The following SLC13A1 variants were observed in gnomAD, a reference collection of about 807,000 sequenced individuals.
SLC13A1 encodes the protein Na(+)/sulfate cotransporter.
Under a neutral mutation model 70.0 loss-of-function variants are expected in SLC13A1, and 65 were observed. The ratio of observed to expected loss-of-function variants is 0.93; its 90% CI spans 0.76 to 1.14. The LOEUF is 1.14. SLC13A1 is among the 50% of genes most tolerant of loss of function. SLC13A1 has a pLI of 0.00. For missense variants in SLC13A1, 726 were observed against 717.8 expected (o/e 1.01, Z -0.13); for synonymous variants, 275 against 250.5 (o/e 1.10, Z -0.92).
Position 123,128,945 on chromosome 7 carries a change from AC to A in SLC13A1, c.1032del (p.Arg344SerfsTer6). On this transcript the variant is annotated frameshift_variant and splice_region_variant, in exon 10 of 15. Coordinates refer to ENST00000194130, the MANE Select transcript of SLC13A1 (RefSeq NM_022444.4). LOFTEE classifies it high-confidence loss of function. ...AGGACCAAGGTCACAATTTCTTGAT[AC>A]CTGTGGAAAAATTCCAATGGCATCA... is the stretch of plus-strand genomic sequence containing the variant. ...KQEYQKLGPI[R>X]YQEIVTLVLF... The A allele has an allele frequency of 6.2e-7, 1 of 1,606,142 alleles. No individual in the cohort carries two copies. Among genetic ancestry groups the A allele is most frequent in the East Asian group, 2.2e-5 (1 of 44,690 alleles).
intron 7 of SLC13A1, 113 bp from the exon 8 acceptor site, chr7:123,134,642 A>G: frequency 1.0e-6 from 1 of 1,004,264 alleles, no homozygotes; most frequent in Non-Finnish European, 1.5e-6. Flanking sequence ...CCAAGAAGGA[A>G]GTCCTGGAAT....
At chr7:123,136,176 A>G (rs1461672579) in intron 7 of SLC13A1, among the ~76,000 whole-genome samples, 2 of 152,218 alleles carry the variant, frequency 1.3e-5, no homozygotes, top group Non-Finnish European at 2.9e-5. Context: ...TGAAATCAGT[A>G]TGCAGAGCTC....
chr7:123,159,659 C>G (rs192447773), intron 6 of SLC13A1, among the ~76,000 whole-genome samples: 8 of 152,046 alleles, frequency 5.3e-5, no homozygotes, highest in African/African-American at 1.9e-4. Context: ...TAGAATAGAC[C>G]ACCCATACAA....
intron 1 of SLC13A1, among the ~76,000 whole-genome samples, chr7:123,186,135 A>G (rs1795789539): frequency 6.6e-6 from 1 of 152,062 alleles, no homozygotes; most frequent in South Asian, 2.1e-4. Flanking sequence ...CTATTAAAGT[A>G]TATAGGGTTA....
intron 8 of SLC13A1, among the ~76,000 whole-genome samples, chr7:123,129,736 A>G (rs1432930143): frequency 6.6e-6 from 1 of 152,000 alleles, no homozygotes; most frequent in Non-Finnish European, 1.5e-5. Context: ...CATATTTTCC[A>G]TGACATCCTT....
rs1563320581 is a variant in SLC13A1 at position 123,128,835 on chromosome 7, C to T, written c.1133+10G>A. 1.3e-6 allele frequency: 2 copies of T among 1,590,930 alleles called. No homozygotes were observed. The highest frequency in any genetic ancestry group is 1.7e-6 in the Non-Finnish European group (2 of 1,159,862). On this transcript the variant is annotated intron_variant, in intron 10 of 14. Transcript: ENST00000194130. ...AGGAAGGGCTGACAAACATAACGTG[C>T]AAAGCTTACTCTGAAAAAAGTGCAG...
intron 1 of SLC13A1, among the ~76,000 whole-genome samples, chr7:123,198,763 C>T (rs1008103786): frequency 7.2e-5 from 11 of 152,058 alleles, no homozygotes; most frequent in African/African-American, 2.4e-4. Flanking sequence ...GGTGTAACCT[C>T]GATTAGTACT....
intron 7 of SLC13A1, 138 bp from the exon 8 acceptor site, chr7:123,134,667 A>G: frequency 1.5e-6 from 1 of 681,752 alleles, no homozygotes; most frequent in Non-Finnish European, 2.3e-6. Context: ...TCATCATTAA[A>G]TAGAGTACTT....
intron 12 of SLC13A1, 29 bp from the exon 13 acceptor site, chr7:123,119,271 C>A: frequency 6.9e-7 from 1 of 1,457,208 alleles, no homozygotes; most frequent in Non-Finnish European, 9.4e-7. Context: ...ATATTTGTTA[C>A]TCATGAATAA....
chr7:123,195,913 A>T (rs891308346), intron 1 of SLC13A1, among the ~76,000 whole-genome samples: 34 of 152,092 alleles, frequency 2.2e-4, no homozygotes, highest in Admixed American at 1.8e-3. Flanking sequence ...GCACTCTACA[A>T]ATATAATATA....
At chr7:123,120,581 A>G (rs1793342465) in intron 12 of SLC13A1, among the ~76,000 whole-genome samples, 1 of 152,062 alleles carries the variant, frequency 6.6e-6, no homozygotes, top group Non-Finnish European at 1.5e-5. Context: ...TATTGCATGT[A>G]TGAATCTTTA....
intron 7 of SLC13A1, 87 bp from the exon 8 acceptor site, chr7:123,134,616 T>C: frequency 7.9e-7 from 1 of 1,268,886 alleles, no homozygotes. Flanking sequence ...AGTCCACCTC[T>C]TTCCTGTGTT....
intron 11 of SLC13A1, among the ~76,000 whole-genome samples, chr7:123,123,507 T>A (rs948200950): frequency 6.6e-6 from 1 of 152,292 alleles, no homozygotes; most frequent in Non-Finnish European, 1.5e-5. Context: ...CTTATAATGG[T>A]ACTCATTCAT....
chr7:123,115,448 G>A lies in SLC13A1; in HGVS notation c.*70C>T, dbSNP rs1452597018. 1 of 1,491,696 alleles carries A rather than the reference G, an allele frequency of 6.7e-7. No homozygotes were observed. Among genetic ancestry groups the A allele is most frequent in the Admixed American group, 1.8e-5 (1 of 56,674 alleles). The allele number at this position is 1,491,696 out of a possible 1,614,324, so 92.4% of individuals were successfully genotyped here. ...AAATGTGTGTCATTAGTTATTTAGA[G>A]CCACATTTTACAGTCAATCATTAAT... On this transcript the variant is annotated 3_prime_UTR_variant, in exon 15 of 15. Transcript: ENST00000194130.
intron 6 of SLC13A1, among the ~76,000 whole-genome samples, chr7:123,163,640 A>AT (rs1038537886): frequency 5.3e-5 from 8 of 151,992 alleles, no homozygotes; most frequent in African/African-American, 1.9e-4. Context: ...GTTACAAAAC[A>AT]TTTTTTTGTC....
chr7:123,117,272 A>G (rs537332959), intron 14 of SLC13A1, among the ~76,000 whole-genome samples, 199 bp downstream of exon 14: 1 of 152,238 alleles, frequency 6.6e-6, no homozygotes, highest in Non-Finnish European at 1.5e-5. Flanking sequence ...TGTGACCGTA[A>G]GTTTTAATGG....
At chr7:123,195,424 T>A (rs1421211625) in intron 1 of SLC13A1, among the ~76,000 whole-genome samples, 1 of 151,942 alleles carries the variant, frequency 6.6e-6, no homozygotes, top group African/African-American at 2.4e-5. Flanking sequence ...TTTCTTGGAA[T>A]TTCTCTCCTC....
intron 1 of SLC13A1, among the ~76,000 whole-genome samples, chr7:123,188,891 G>A (rs907264243): frequency 3.3e-5 from 5 of 151,572 alleles, no homozygotes; most frequent in Non-Finnish European, 7.4e-5. Context: ...CGAGGCGGGC[G>A]GATCACGAGG....
intron 8 of SLC13A1, among the ~76,000 whole-genome samples, chr7:123,130,349 TGTG>T (rs1470092818): frequency 2.6e-5 from 4 of 152,168 alleles, no homozygotes; most frequent in Non-Finnish European, 4.4e-5. Flanking sequence ...ATAAATAAAA[TGTG>T]GTACATATAC....
Sources: allele counts gnomAD v4.1 joint callset (sites outside exome capture counted in the v4.1 genomes callset), GRCh38; gene constraint gnomAD v4.1.1; transcripts MANE v1.5; gene names NCBI Gene and HGNC (gene_info 2026-07-23, HGNC 2026-07-21).